Variants in WDR72 observed in about 807,000 individuals in gnomAD.
WDR72 encodes the protein WD repeat domain 72.
Under a neutral mutation model 124.2 loss-of-function variants are expected in WDR72, and 120 were observed. That is an observed-to-expected ratio of 0.97 (90% CI 0.83 to 1.12). WDR72 has a LOEUF of 1.12. Among genes scored for constraint, WDR72 ranks in the 50% most tolerant of loss-of-function variants. WDR72 has a pLI of 0.00. For synonymous variants in WDR72, 452 were observed against 441.7 expected (o/e 1.02, Z -0.29); for missense variants, 1,387 against 1,278.8 (o/e 1.08, Z -1.29).
chr15:53,636,524 T>A (rs916339470), intron 14 of WDR72, among the ~76,000 whole-genome samples: 7 of 152,196 alleles, frequency 4.6e-5, no homozygotes, highest in Admixed American at 2.6e-4. Flanking sequence ...AGGTCATACA[T>A]CACATATACT....
intron 11 of WDR72, among the ~76,000 whole-genome samples, chr15:53,703,183 G>A (rs1163574215): frequency 1.3e-5 from 2 of 152,042 alleles, no homozygotes; most frequent in African/African-American, 2.4e-5. Context: ...CAAAGTGCTG[G>A]GATTACAGGC....
chr15:53,649,734 C>T (rs2140425067), intron 14 of WDR72, among the ~76,000 whole-genome samples: 1 of 152,130 alleles, frequency 6.6e-6, no homozygotes, highest in South Asian at 2.1e-4. Context: ...CAATGAGATA[C>T]CACCCAATAC....
rs1355745880 is a variant in WDR72 at position 53,554,041 on chromosome 15, T to G, written c.3149-30719A>C. 3.9e-5 allele frequency among the ~76,000 whole-genome samples: 6 copies of G among 152,288 alleles called. No individual in the cohort carries two copies. The East Asian group carries it at 1.2e-3, about 29-fold the overall frequency. ...ATAATATGTCTAATTTTGACACTTTTGCTTAATAACATGTATAGTGCCTTT... is the reference window on the plus strand; with the variant it reads ...ATAATATGTCTAATTTTGACACTTTGGCTTAATAACATGTATAGTGCCTTT... On this transcript the variant is annotated intron_variant, in intron 18 of 19. Coordinates refer to ENST00000360509, the MANE Select transcript of WDR72 (RefSeq NM_182758.4).
At chr15:53,730,056 T>A (rs191410852) in intron 2 of WDR72, among the ~76,000 whole-genome samples, 2 of 152,322 alleles carry the variant, frequency 1.3e-5, no homozygotes, top group East Asian at 3.9e-4. Context: ...TACAAACTGT[T>A]ATGTGTGCAC....
chr15:53,612,819 G>C (rs757091276), intron 16 of WDR72, among the ~76,000 whole-genome samples: 6 of 151,944 alleles, frequency 3.9e-5, no homozygotes, highest in Non-Finnish European at 7.4e-5. Flanking sequence ...CAGAGTGCAG[G>C]AGTCAAGAAT....
At chr15:53,545,133 G>T (rs1244573096) in intron 18 of WDR72, among the ~76,000 whole-genome samples, 1 of 149,906 alleles carries the variant, frequency 6.7e-6, no homozygotes, top group Non-Finnish European at 1.5e-5. Flanking sequence ...AGCTACCAAC[G>T]ACTTTCTTCA....
chr15:53,543,780 T>A (rs1052228424), intron 18 of WDR72, among the ~76,000 whole-genome samples: 10 of 151,868 alleles, frequency 6.6e-5, no homozygotes, highest in African/African-American at 1.5e-4. Flanking sequence ...GAGAAGAATC[T>A]AATAGACGCA....
rs765982080 is a variant in WDR72 at position 53,616,162 on chromosome 15, G to C, written c.2044C>G (p.Leu682Val). 5 of 1,606,736 alleles carry C rather than the reference G, an allele frequency of 3.1e-6. No individual in the cohort carries two copies. Among genetic ancestry groups the C allele is most frequent in the Non-Finnish European group, 3.4e-6 (4 of 1,177,390 alleles). Residue 682 changes from leucine to valine, a missense_variant, in exon 15 of 20, where the codon CTT becomes GTT. Leu to Val is a conservative substitution (Grantham distance 32). Coordinates refer to ENST00000360509, the MANE Select transcript of WDR72 (RefSeq NM_182758.4). The stretch of plus-strand genomic sequence containing the variant: ...ACAAGGTTTTCCAGATCAAATAGAA[G>C]AATATGAAAGCCAACGTTACTCCAT... ...TKWSNVGFHILLFDLENLVEL... is the reference protein window; with the variant it reads ...TKWSNVGFHIVLFDLENLVEL...
At chr15:53,558,088 C>T (rs1893995425) in intron 18 of WDR72, among the ~76,000 whole-genome samples, 2 of 151,996 alleles carry the variant, frequency 1.3e-5, no homozygotes. Flanking sequence ...GCCCAGGTCA[C>T]TATCTTTCCA....
At chr15:53,534,583 T>C in intron 18 of WDR72, among the ~76,000 whole-genome samples, 1 of 152,090 alleles carries the variant, frequency 6.6e-6, no homozygotes, top group Non-Finnish European at 1.5e-5. Context: ...AAGGAAAGGG[T>C]CACTCAATTT....
At chr15:53,520,295 G>T (rs1461824620) in intron 19 of WDR72, among the ~76,000 whole-genome samples, 1 of 151,978 alleles carries the variant, frequency 6.6e-6, no homozygotes, top group East Asian at 1.9e-4. Context: ...TTAAAATGAT[G>T]TAATAATTAT....
At chr15:53,522,640 A>G (rs1891866227) in intron 19 of WDR72, among the ~76,000 whole-genome samples, 1 of 152,058 alleles carries the variant, frequency 6.6e-6, no homozygotes. Context: ...TTTTATTTCT[A>G]TAAAGGATAT....
At chr15:53,758,074 T>A (rs773196083) in intron 1 of WDR72, among the ~76,000 whole-genome samples, 1 of 152,048 alleles carries the variant, frequency 6.6e-6, no homozygotes, top group Non-Finnish European at 1.5e-5. Context: ...CATGCAATCA[T>A]GGCTCACTGC....
At position 53,675,083 on chromosome 15, in the gene WDR72, G is replaced by A. The variant is rs140013062; in HGVS notation, c.1766-9315C>T. On this transcript the variant is annotated intron_variant, in intron 13 of 19. Transcript: ENST00000360509. Reference sequence around the variant, plus strand: ...CTATTTATTAACACACGCTAGCAGCGTAACATCTACTATGACTTTGGGAGG... The same window carrying A: ...CTATTTATTAACACACGCTAGCAGCATAACATCTACTATGACTTTGGGAGG... 2.7e-4 allele frequency among the ~76,000 whole-genome samples: 41 copies of A among 152,278 alleles called. No homozygotes were observed. In the East Asian group the frequency reaches 6.4e-3, roughly 24 times the overall value.
At chr15:53,617,491 A>C (rs1243462186) in intron 14 of WDR72, among the ~76,000 whole-genome samples, 1 of 151,746 alleles carries the variant, frequency 6.6e-6, no homozygotes, top group Non-Finnish European at 1.5e-5. Context: ...AAGTTTAAAA[A>C]GAAAACCATT....
At chr15:53,665,814 C>T (rs1181427267) in intron 13 of WDR72, 46 bp from the exon 14 acceptor site, 7 of 1,558,846 alleles carry the variant, frequency 4.5e-6, no homozygotes, top group Non-Finnish European at 6.2e-6. Context: ...AATATTTACC[C>T]CAACAGAATA....
chr15:53,673,312 G>A (rs1402084168), intron 13 of WDR72, among the ~76,000 whole-genome samples: 2 of 151,964 alleles, frequency 1.3e-5, no homozygotes, highest in Admixed American at 6.6e-5. Flanking sequence ...ATGCTCAAAG[G>A]GAGAGAAATA....
At chr15:53,628,695 T>C (rs566553236) in intron 14 of WDR72, among the ~76,000 whole-genome samples, 2 of 152,206 alleles carry the variant, frequency 1.3e-5, no homozygotes, top group Non-Finnish European at 2.9e-5. Context: ...ATTTGTGTTA[T>C]GACAAATTAA....
intron 14 of WDR72, among the ~76,000 whole-genome samples, chr15:53,630,614 A>T (rs1244714035): frequency 6.6e-6 from 1 of 152,210 alleles, no homozygotes; most frequent in Admixed American, 6.5e-5. Flanking sequence ...AAAACACATG[A>T]TTATCCTAAT....
Sources: allele counts gnomAD v4.1 joint callset (sites outside exome capture counted in the v4.1 genomes callset), GRCh38; gene constraint gnomAD v4.1.1; transcripts MANE v1.5; gene names NCBI Gene and HGNC (gene_info 2026-07-23, HGNC 2026-07-21).